Variants in CCNY observed in about 807,000 individuals in gnomAD.
The protein encoded by CCNY is cyclin-Y.
Under a neutral mutation model 42.8 loss-of-function variants are expected in CCNY, and 19 were observed. That is an observed-to-expected ratio of 0.44 (90% CI 0.31 to 0.65). CCNY has a LOEUF of 0.65. CCNY is among the 30% of genes least tolerant of loss of function. The pLI, the probability that CCNY is intolerant of heterozygous loss-of-function variation, is 0.07. For synonymous variants in CCNY, 165 were observed against 162.7 expected, an observed-to-expected ratio of 1.01 and a Z score of -0.11; for missense variants, 370 against 437.3, an observed-to-expected ratio of 0.85 and a Z score of 1.37.
intron 3 of CCNY, among the ~76,000 whole-genome samples, chr10:35,267,844 G>T (rs929196943): frequency 7.9e-5 from 12 of 152,190 alleles, no homozygotes; most frequent in Admixed American, 7.2e-4. Flanking sequence ...AAACTGATGG[G>T]TTAACCCATA....
At chr10:35,369,351 G>A (rs1442328383) in intron 1 of CCNY, among the ~76,000 whole-genome samples, 1 of 152,190 alleles carries the variant, frequency 6.6e-6, no homozygotes, top group Non-Finnish European at 1.5e-5. Context: ...ACATTGTTTG[G>A]TTTCAGTGAT....
chr10:35,289,797 C>G (rs184424001), intron 3 of CCNY, among the ~76,000 whole-genome samples: 31 of 151,302 alleles, frequency 2.0e-4, no homozygotes, highest in African/African-American at 7.3e-4. Flanking sequence ...TCACTTGAAC[C>G]CAGGAGGTGG....
At chr10:35,548,496 C>T (rs1326630149) in intron 7 of CCNY, among the ~76,000 whole-genome samples, 1 of 151,922 alleles carries the variant, frequency 6.6e-6, no homozygotes, top group Non-Finnish European at 1.5e-5. Flanking sequence ...CGGGGTTTCA[C>T]CATGTTGGCC....
At chr10:35,483,519 A>G (rs1463162702) in intron 2 of CCNY, 41 bp downstream of exon 2, 1 of 1,284,654 alleles carries the variant, frequency 7.8e-7, no homozygotes, top group African/African-American at 1.5e-5. Context: ...AAAAAGGCTC[A>G]TGTTGGTACT....
intron 2 of CCNY, among the ~76,000 whole-genome samples, chr10:35,494,576 A>G (rs1406365692): frequency 2.6e-5 from 4 of 152,180 alleles, no homozygotes; most frequent in African/African-American, 9.7e-5. Flanking sequence ...GCAATGAAGG[A>G]AGTTGCCTAA....
In CCNY at chr10:35,436,004, T is replaced by C. The variant is rs1294675657; in HGVS notation, c.155-47400T>C. On this transcript the variant is annotated intron_variant, in intron 1 of 9. Coordinates refer to ENST00000374704, the MANE Select transcript of CCNY (RefSeq NM_145012.6). The stretch of plus-strand genomic sequence containing the variant: ...TCCAGAAAGGAAGGAAGTTCGGTTA[T>C]GAAAGAGGGATGAAATTTGGATAGT... Among the ~76,000 whole-genome samples the C allele has an allele frequency of 2.0e-5, 3 of 152,170 alleles. No individual in the cohort carries two copies. The East Asian group carries it at 5.8e-4, about 29-fold the overall frequency.
chr10:35,346,298 T>C (rs1836300490), intron 1 of CCNY, among the ~76,000 whole-genome samples: 1 of 152,204 alleles, frequency 6.6e-6, no homozygotes, highest in African/African-American at 2.4e-5. Context: ...CTGTTGGCTC[T>C]GTGTGTTGCT....
intron 1 of CCNY, among the ~76,000 whole-genome samples, chr10:35,426,443 G>C (rs1465519983): frequency 6.6e-6 from 1 of 152,206 alleles, no homozygotes; most frequent in East Asian, 1.9e-4. Flanking sequence ...ACTCTGTTTA[G>C]TGTTGGTGCA....
chr10:35,296,580 GA>G (rs1314025107), intron 3 of CCNY, among the ~76,000 whole-genome samples: 2 of 150,356 alleles, frequency 1.3e-5, no homozygotes, highest in African/African-American at 2.4e-5. Flanking sequence ...GACTCTGTCA[GA>G]AAAAAAAGAA....
chr10:35,363,675 C>T (rs1018859186), intron 1 of CCNY, among the ~76,000 whole-genome samples: 26 of 152,096 alleles, frequency 1.7e-4, no homozygotes, highest in Non-Finnish European at 2.5e-4. Flanking sequence ...GTTGTCACTC[C>T]GCCCCACGAC....
Position 35,432,598 on chromosome 10 carries a change from A to G in CCNY, c.155-50806A>G, listed in dbSNP as rs1408305472. Among the ~76,000 whole-genome samples the G allele has an allele frequency of 2.0e-5, 3 of 152,224 alleles. No individual in the cohort carries two copies. The East Asian group carries it at 5.8e-4, about 29-fold the overall frequency. On this transcript the variant is annotated intron_variant, in intron 1 of 9. Coordinates refer to ENST00000374704, the MANE Select transcript of CCNY (RefSeq NM_145012.6). ...TTCCTAATAAGCTGTTGGGTAGAGC[A>G]TATATATCTGTCCACCAGCCATCTT...
chr10:35,370,579 C>T (rs934892105), intron 1 of CCNY, among the ~76,000 whole-genome samples: 11 of 152,020 alleles, frequency 7.2e-5, no homozygotes, highest in Non-Finnish European at 1.5e-4. Flanking sequence ...ATGATAATGA[C>T]TAGGAATCTT....
chr10:35,368,973 A>G (rs1163779065), intron 1 of CCNY, among the ~76,000 whole-genome samples: 1 of 152,216 alleles, frequency 6.6e-6, no homozygotes, highest in Non-Finnish European at 1.5e-5. Flanking sequence ...GAAGTTGTTC[A>G]GTTTCTCCAC....
chr10:35,391,439 A>G (rs1157263789), intron 1 of CCNY, among the ~76,000 whole-genome samples: 1 of 152,212 alleles, frequency 6.6e-6, no homozygotes, highest in Non-Finnish European at 1.5e-5. Context: ...GGAATGAGTC[A>G]GGACAGAGCA....
intron 1 of CCNY, among the ~76,000 whole-genome samples, chr10:35,478,911 A>G (rs1433556537): frequency 6.6e-6 from 1 of 152,258 alleles, no homozygotes; most frequent in African/African-American, 2.4e-5. Context: ...AAACAAATTT[A>G]CAAGAAAAAC....
intron 1 of CCNY, among the ~76,000 whole-genome samples, chr10:35,447,040 G>C (rs753660466): frequency 9.9e-5 from 15 of 152,196 alleles, no homozygotes; most frequent in African/African-American, 1.2e-4. Flanking sequence ...TACTTTGGGA[G>C]GCTGAGGCGG....
At chr10:35,485,211 C>T (rs1204304873) in intron 2 of CCNY, among the ~76,000 whole-genome samples, 1 of 152,222 alleles carries the variant, frequency 6.6e-6, no homozygotes, top group Non-Finnish European at 1.5e-5. Context: ...TGGGATCTTC[C>T]TCCTATCCCT....
intron 1 of CCNY, among the ~76,000 whole-genome samples, chr10:35,458,909 G>A (rs1407791092): frequency 6.6e-6 from 1 of 152,136 alleles, no homozygotes; most frequent in African/African-American, 2.4e-5. Context: ...TCAGCCCTTA[G>A]TTGATTCAGA....
upstream of CCNY, among the ~76,000 whole-genome samples, chr10:35,334,497 T>C (rs1266676975): frequency 6.6e-6 from 1 of 152,140 alleles, no homozygotes; most frequent in African/African-American, 2.4e-5. Context: ...AGTGTAAATA[T>C]GCCCCAGTTT....
Sources: allele counts gnomAD v4.1 joint callset (sites outside exome capture counted in the v4.1 genomes callset), GRCh38; gene constraint gnomAD v4.1.1; transcripts MANE v1.5; gene names NCBI Gene and HGNC (gene_info 2026-07-23, HGNC 2026-07-21).